The following CEP192 variants were observed in gnomAD, a reference collection of about 807,000 sequenced individuals.
CEP192 encodes centrosomal protein of 192 kDa.
In CEP192, 151 loss-of-function variants were observed where a neutral mutation model predicts 271.8. The ratio of observed to expected loss-of-function variants is 0.56; its 90% CI spans 0.49 to 0.64. CEP192 has a LOEUF of 0.64. Among genes scored for constraint, CEP192 ranks in the 30% least tolerant of loss-of-function variants. The pLI, the probability that CEP192 is intolerant of heterozygous loss-of-function variation, is 0.00. For synonymous variants in CEP192, 995 were observed against 1,076.5 expected, an observed-to-expected ratio of 0.92 and a Z score of 1.48; for missense variants, 2,910 against 3,020.5, an observed-to-expected ratio of 0.96 and a Z score of 0.86.
intron 3 of CEP192, 121 bp downstream of exon 3, chr18:13,001,703 G>A (rs2033655419): frequency 1.8e-6 from 2 of 1,085,520 alleles, no homozygotes; most frequent in Admixed American, 6.8e-5. Flanking sequence ...ATCTTGAAGA[G>A]TTTTCTTTTA....
chr18:13,020,759 T>C (rs2034944154), intron 9 of CEP192, among the ~76,000 whole-genome samples: 2 of 152,346 alleles, frequency 1.3e-5, no homozygotes, highest in South Asian at 4.1e-4. Flanking sequence ...CCTTTTTAAA[T>C]TATAGTTATC....
rs571095195 is a variant in CEP192 at position 13,086,527 on chromosome 18, A to G, written c.5617-490A>G. Among the ~76,000 whole-genome samples, 3 of 152,262 alleles carry G rather than the reference A, an allele frequency of 2.0e-5. No homozygotes were observed. The East Asian group carries it at 5.8e-4, about 29-fold the overall frequency. On this transcript the variant is annotated intron_variant, in intron 30 of 44. Coordinates refer to ENST00000506447, the MANE Select transcript of CEP192 (RefSeq NM_032142.4). ...CATGGGCTGCATCCACTCTCTAACCAGTCCCAGTGAGATGAGCTGGGTACC... is the reference window on the plus strand; with the variant it reads ...CATGGGCTGCATCCACTCTCTAACCGGTCCCAGTGAGATGAGCTGGGTACC...
intron 10 of CEP192, 139 bp downstream of exon 10, chr18:13,030,141 C>G (rs2035533532): frequency 2.8e-6 from 2 of 723,768 alleles, no homozygotes; most frequent in South Asian, 4.0e-5. Flanking sequence ...AATTTTAAAT[C>G]TACTTGTACA....
intron 5 of CEP192, among the ~76,000 whole-genome samples, chr18:13,014,767 A>G (rs1159729170): frequency 1.3e-5 from 2 of 152,194 alleles, no homozygotes; most frequent in Admixed American, 1.3e-4. Flanking sequence ...ATTTTCCAAT[A>G]TAATTCCTAT....
intron 44 of CEP192, among the ~76,000 whole-genome samples, chr18:13,120,468 G>A (rs2040611562): frequency 6.6e-6 from 1 of 152,154 alleles, no homozygotes; most frequent in East Asian, 1.9e-4. Context: ...GCATTCCTGT[G>A]CAGCCTGTGT....
intron 4 of CEP192, among the ~76,000 whole-genome samples, chr18:13,009,654 G>A (rs984767771): frequency 2.6e-5 from 4 of 152,020 alleles, no homozygotes; most frequent in East Asian, 1.9e-4. Context: ...CCAACATGGC[G>A]AAACCCTGTC....
chr18:13,067,602 A>G (rs2037780187), intron 21 of CEP192, among the ~76,000 whole-genome samples: 1 of 152,240 alleles, frequency 6.6e-6, no homozygotes, highest in Non-Finnish European at 1.5e-5. Flanking sequence ...TCAAAGTAAC[A>G]GCAGCTGAAT....
chr18:13,061,322 GA>G lies in CEP192; in HGVS notation c.4488+2018del, dbSNP rs201341792. 3.0e-3 allele frequency among the ~76,000 whole-genome samples: 449 copies of G among 152,148 alleles called. 6 individuals carry two copies. The East Asian group carries it at 0.036, about 12-fold the overall frequency. On this transcript the variant is annotated intron_variant, in intron 21 of 44. Coordinates refer to ENST00000506447, the MANE Select transcript of CEP192 (RefSeq NM_032142.4). ...TGGACAACAGAGCAAGTCTCTGCCT[GA>G]AAAAAAATAAAGTTAATTAGTTTTT... is the stretch of plus-strand genomic sequence containing the variant.
intron 27 of CEP192, 147 bp downstream of exon 27, chr18:13,070,003 A>C (rs1046954826): frequency 3.7e-6 from 2 of 546,306 alleles, no homozygotes; most frequent in Non-Finnish European, 6.5e-6. Context: ...TCTACTAAAA[A>C]TACAAAAATT....
intron 8 of CEP192, among the ~76,000 whole-genome samples, 158 bp from the exon 9 acceptor site, chr18:13,018,924 A>G (rs2034823133): frequency 6.6e-6 from 1 of 152,150 alleles, no homozygotes; most frequent in African/African-American, 2.4e-5. Context: ...ATTGCCTCTT[A>G]CTGTTGCTTA....
chr18:13,057,547 G>C, intron 19 of CEP192, 38 bp from the exon 20 acceptor site: 1 of 1,602,490 alleles, frequency 6.2e-7, no homozygotes, highest in African/African-American at 1.3e-5. Context: ...GGGGTTTGCT[G>C]TAACTTGCAT....
At chr18:13,097,756 A>G (rs1312662776) in intron 36 of CEP192, among the ~76,000 whole-genome samples, 1 of 150,098 alleles carries the variant, frequency 6.7e-6, no homozygotes, top group African/African-American at 2.5e-5. Flanking sequence ...CAAGTGAACA[A>G]AGGTCTCTGG....
rs953486955 is a variant in CEP192, at chr18:13,066,963, C to G, written c.4489-868C>G. ...AGAGCAAAACAAAATGTGAGCACGT[C>G]TGTGTGTGTGTGTGTGTGTGTGTGT... On this transcript the variant is annotated intron_variant, in intron 21 of 44. Coordinates refer to ENST00000506447, the MANE Select transcript of CEP192 (RefSeq NM_032142.4). Among the ~76,000 whole-genome samples, 4 of 143,512 alleles carry G rather than the reference C, an allele frequency of 2.8e-5. No homozygotes were observed. In the East Asian group the frequency reaches 6.2e-4, roughly 22 times the overall value. The allele number at this position is 143,512 out of a possible 152,430, so 94.1% of individuals were successfully genotyped here.
intron 1 of CEP192, among the ~76,000 whole-genome samples, chr18:12,992,481 T>C (rs553797940): frequency 2.6e-5 from 4 of 152,272 alleles, no homozygotes; most frequent in African/African-American, 9.6e-5. Context: ...ATGTGAAATT[T>C]GAGGTCACTA....
At chr18:13,089,770 C>A (rs2039057054) in intron 33 of CEP192, among the ~76,000 whole-genome samples, 1 of 152,212 alleles carries the variant, frequency 6.6e-6, no homozygotes, top group Non-Finnish European at 1.5e-5. Context: ...AGAAGAGCGA[C>A]ATCTAGCTCA....
chr18:13,031,140 T>C (rs1177586106), intron 11 of CEP192, among the ~76,000 whole-genome samples: 1 of 151,936 alleles, frequency 6.6e-6, no homozygotes, highest in Admixed American at 6.6e-5. Context: ...GATTTTGAGC[T>C]GGAGACTGTG....
Position 13,124,990 on chromosome 18 carries a change from G to C in CEP192, c.*220G>C, listed in dbSNP as rs1035146281. ...TTTACAGGTGAGAAGAGAGTTCTGT[G>C]TTTGCATTGATTATGATATTCTGAA... On this transcript the variant is annotated 3_prime_UTR_variant, in exon 45 of 45. Coordinates refer to ENST00000506447, the MANE Select transcript of CEP192 (RefSeq NM_032142.4). 6 of 384,388 alleles carry C rather than the reference G, an allele frequency of 1.6e-5. No individual in the cohort carries two copies. The highest frequency in any genetic ancestry group is 1.2e-4 in the African/African-American group (6 of 49,828). 23.8% of individuals were successfully genotyped at this position (384,388 alleles called of 1,614,324 possible).
intron 3 of CEP192, 80 bp downstream of exon 3, chr18:13,001,662 T>G (rs2033652874): frequency 7.7e-7 from 1 of 1,296,836 alleles, no homozygotes; most frequent in Non-Finnish European, 1.0e-6. Context: ...AATGTGATTG[T>G]GTATGTAATT....
In CEP192 at chr18:13,072,739, G is replaced by A; in HGVS notation, c.5349-16G>A. 5 of 1,519,088 alleles carry A rather than the reference G, an allele frequency of 3.3e-6. No homozygotes were observed. The highest frequency in any genetic ancestry group is 4.6e-6 in the Non-Finnish European group (5 of 1,093,580). The allele number at this position is 1,519,088 out of a possible 1,614,324, so 94.1% of individuals were successfully genotyped here. The stretch of plus-strand genomic sequence containing the variant: ...CATGGAGAAAAACCATATTTAAAAT[G>A]TCTAATTGTTTTTAGGCTTCAGAAA... On this transcript the variant is annotated splice_polypyrimidine_tract_variant and intron_variant, in intron 28 of 44. Transcript: ENST00000506447.
Sources: gnomAD v4.1 joint callset for allele counts (sites outside exome capture counted in the v4.1 genomes callset) on GRCh38, gnomAD v4.1.1 for gene constraint, MANE v1.5 for transcripts, NCBI Gene and HGNC (gene_info 2026-07-23, HGNC 2026-07-21) for gene names.